ZNF91: variants seen among roughly 807,000 people sequenced by gnomAD.
The protein encoded by ZNF91 is zinc finger protein 91.
Under a neutral mutation model 12.6 loss-of-function variants are expected in ZNF91, and 7 were observed. The ratio of observed to expected loss-of-function variants is 0.55; its 90% CI spans 0.31 to 1.04. The LOEUF is 1.04. ZNF91 is among the 50% of genes least tolerant of loss of function. The pLI, the probability that ZNF91 is intolerant of heterozygous loss-of-function variation, is 0.05. For synonymous variants in ZNF91, 453 were observed against 462.6 expected, an observed-to-expected ratio of 0.98 and a Z score of 0.27; for missense variants, 1,217 against 1,385.4, an observed-to-expected ratio of 0.88 and a Z score of 1.93.
At chr19:23,330,535 C>T (rs908079740) in intron 1 of ZNF91, among the ~76,000 whole-genome samples, 24 of 151,972 alleles carry the variant, frequency 1.6e-4, no homozygotes, top group African/African-American at 5.3e-4. Flanking sequence ...CCTTTGGGCC[C>T]CTGGTAGCAC....
At chr19:23,387,636 C>T (rs1969915195) in intron 1 of ZNF91, among the ~76,000 whole-genome samples, 1 of 152,150 alleles carries the variant, frequency 6.6e-6, no homozygotes, top group Admixed American at 6.5e-5. Flanking sequence ...ACTTGGAAGG[C>T]TGAGGAACAA....
intron 3 of ZNF91, among the ~76,000 whole-genome samples, chr19:23,343,573 G>A (rs1361614279): frequency 6.6e-6 from 1 of 152,240 alleles, no homozygotes; most frequent in Non-Finnish European, 1.5e-5. Context: ...GTGAGTTTGA[G>A]TGCAGGTGCA....
At chr19:23,319,533 G>A (rs1288023733) in intron 1 of ZNF91, among the ~76,000 whole-genome samples, 1 of 152,148 alleles carries the variant, frequency 6.6e-6, no homozygotes, top group African/African-American at 2.4e-5. Context: ...GAAAATAAGA[G>A]GCTCCTGCCT....
In ZNF91 at chr19:23,359,051, G is replaced by C. The variant is rs558906615; in HGVS notation, c.*352C>G. ...TGTTTGTAGGGTTGCTGTCCAGTAT[G>C]AATTTTCTTATGTCTGGTTAGGGCT... is the stretch of plus-strand genomic sequence containing the variant. On this transcript the variant is annotated 3_prime_UTR_variant, in exon 4 of 4. Coordinates refer to ENST00000300619, the MANE Select transcript of ZNF91 (RefSeq NM_003430.4). 1 of 541,888 alleles carries C rather than the reference G, an allele frequency of 1.8e-6. No individual in the cohort carries two copies. Among genetic ancestry groups the C allele is most frequent in the African/African-American group, 1.9e-5 (1 of 52,198 alleles). 33.6% of individuals were successfully genotyped at this position (541,888 alleles called of 1,614,324 possible).
chr19:23,320,640 C>A (rs1294285828), intron 1 of ZNF91, among the ~76,000 whole-genome samples: 1 of 152,194 alleles, frequency 6.6e-6, no homozygotes, highest in Non-Finnish European at 1.5e-5. Context: ...GATCCAATGA[C>A]CTGCCTGCTT....
intron 3 of ZNF91, among the ~76,000 whole-genome samples, chr19:23,365,099 A>G (rs1368738487): frequency 1.3e-5 from 2 of 152,142 alleles, no homozygotes; most frequent in East Asian, 1.9e-4. Flanking sequence ...TCTTAGAAGA[A>G]GAATATGGGA....
At chr19:23,348,338 T>C (rs181385528) in intron 3 of ZNF91, among the ~76,000 whole-genome samples, 230 of 152,316 alleles carry the variant, frequency 1.5e-3, no homozygotes, top group Middle Eastern at 3.4e-3. Flanking sequence ...CAGAAGAACA[T>C]TAATTGTGAA....
chr19:23,350,481 A>C (rs1241843743), intron 3 of ZNF91, among the ~76,000 whole-genome samples: 4 of 152,194 alleles, frequency 2.6e-5, no homozygotes, highest in Admixed American at 2.6e-4. Flanking sequence ...GATGGATACC[A>C]ACCCGTCTCT....
intron 1 of ZNF91, among the ~76,000 whole-genome samples, chr19:23,394,791 T>C (rs1970178093): frequency 6.6e-6 from 1 of 152,214 alleles, no homozygotes; most frequent in African/African-American, 2.4e-5. Flanking sequence ...TTGGTTTTCT[T>C]TACCATGAAC....
intron 1 of ZNF91, among the ~76,000 whole-genome samples, chr19:23,319,572 A>AT (rs1300478513): frequency 9.9e-6 from 1 of 100,772 alleles, no homozygotes; most frequent in African/African-American, 3.9e-5. Context: ...CTTGTGACAT[A>AT]TATCTGCATA....
intron 1 of ZNF91, chr19:23,326,091 C>G (rs295415): frequency 0.1 from 15,761 of 152,210 alleles, 1,249 homozygotes; most frequent in East Asian, 0.37. Flanking sequence ...TCTCCATCCC[C>G]TTCCCCCAGC....
chr19:23,393,757 T>C (rs958223224), intron 1 of ZNF91, among the ~76,000 whole-genome samples: 1 of 152,146 alleles, frequency 6.6e-6, no homozygotes, highest in Non-Finnish European at 1.5e-5. Flanking sequence ...CCCAGCTCTT[T>C]GGGAGGCCGA....
At chr19:23,369,184 C>T (rs553358968) in intron 3 of ZNF91, among the ~76,000 whole-genome samples, 1 of 152,244 alleles carries the variant, frequency 6.6e-6, no homozygotes, top group South Asian at 2.1e-4. Flanking sequence ...GTGACGTGTG[C>T]CTGTAATCCC....
At chr19:23,394,722 C>T (rs1439870151) in intron 1 of ZNF91, among the ~76,000 whole-genome samples, 2 of 152,120 alleles carry the variant, frequency 1.3e-5, no homozygotes, top group African/African-American at 4.8e-5. Flanking sequence ...AGCAAAACTC[C>T]TTTTCAAAAA....
rs867710013 is a variant in ZNF91, at chr19:23,366,076, C to T, written c.254-3351G>A. 4.9e-4 allele frequency among the ~76,000 whole-genome samples: 74 copies of T among 152,366 alleles called. 1 individual carries two copies. In the Middle Eastern group the frequency reaches 0.014, roughly 28 times the overall value. On this transcript the variant is annotated intron_variant, in intron 3 of 3. Coordinates refer to ENST00000300619, the MANE Select transcript of ZNF91 (RefSeq NM_003430.4). The stretch of plus-strand genomic sequence containing the variant: ...TCATCATGGCCCGTTCTCAATGAGC[C>T]GTTGGGTACACCTCCCAGACGGGGT...
At chr19:23,328,620 T>C (rs1247292424) in intron 1 of ZNF91, 1 of 152,180 alleles carries the variant, frequency 6.6e-6, no homozygotes, top group African/African-American at 2.4e-5. Flanking sequence ...CTAAGGACTA[T>C]TTTTACCCAA....
intron 1 of ZNF91, among the ~76,000 whole-genome samples, chr19:23,317,648 C>T (rs547304332): frequency 7.2e-4 from 110 of 152,216 alleles, no homozygotes; most frequent in African/African-American, 2.4e-3. Context: ...AGGTTCTGAA[C>T]GTCACATTTG....
intron 1 of ZNF91, among the ~76,000 whole-genome samples, chr19:23,375,082 T>C (rs1336151547): frequency 2.0e-5 from 3 of 152,220 alleles, no homozygotes; most frequent in African/African-American, 7.2e-5. Context: ...ATGACTTGTG[T>C]ATTTTTTTCA....
At chr19:23,356,888 G>T (rs1469832658), downstream of ZNF91, among the ~76,000 whole-genome samples, 1 of 152,078 alleles carries the variant, frequency 6.6e-6, no homozygotes, top group Non-Finnish European at 1.5e-5. Context: ...GAGGTCAAGA[G>T]TTGGAGACCA....
Sources: allele counts gnomAD v4.1 joint callset (sites outside exome capture counted in the v4.1 genomes callset), GRCh38; gene constraint gnomAD v4.1.1; transcripts MANE v1.5; gene names NCBI Gene and HGNC (gene_info 2026-07-23, HGNC 2026-07-21).